ABCB7: variants seen among roughly 807,000 people sequenced by gnomAD.
The protein encoded by ABCB7 is iron-sulfur clusters transporter ABCB7, mitochondrial.
Under a neutral mutation model 54.4 loss-of-function variants are expected in ABCB7, and 7 were observed. That is an observed-to-expected ratio of 0.13 (90% CI 0.07 to 0.24). The LOEUF is 0.24. ABCB7 is among the 10% of genes least tolerant of loss of function. The pLI, the probability that ABCB7 is intolerant of heterozygous loss-of-function variation, is 1.00. For synonymous variants in ABCB7, 218 were observed against 207.1 expected, an observed-to-expected ratio of 1.05 and a Z score of -0.45; for missense variants, 356 against 570.4, an observed-to-expected ratio of 0.62 and a Z score of 3.83.
intron 14 of ABCB7, 143 bp from the exon 15 acceptor site, chrX:75,060,473 A>G: frequency 2.1e-6 from 1 of 479,460 alleles, no homozygotes; most frequent in South Asian, 3.3e-5. Flanking sequence ...TACTGATACC[A>G]AATATTAGAC....
intron 13 of ABCB7, 35 bp downstream of exon 13, chrX:75,065,035 T>C: frequency 8.3e-7 from 1 of 1,203,475 alleles, no homozygotes; most frequent in East Asian, 3.0e-5. Context: ...GAAAGAAGTA[T>C]ACAAGAAGGG....
At chrX:75,114,119 C>G (rs1329953995) in intron 2 of ABCB7, among the ~76,000 whole-genome samples, 3 of 112,020 alleles carry the variant, frequency 2.7e-5, no homozygotes, top group Non-Finnish European at 5.6e-5. Context: ...AAATGTAATT[C>G]ATTTCTACAG....
intron 1 of ABCB7, among the ~76,000 whole-genome samples, chrX:75,122,582 T>G (rs6655622): frequency 0.029 from 3,214 of 112,272 alleles, 117 homozygotes; most frequent in African/African-American, 0.099. Flanking sequence ...TTTTAATATT[T>G]TGAAGAATCT....
Position 75,053,281 on chromosome X carries a change from G to T in ABCB7, c.*89C>A, listed in dbSNP as rs2081209486. 9.3e-7 allele frequency: 1 copy of T among 1,073,690 alleles called. No homozygotes were observed. Among genetic ancestry groups the T allele is most frequent in the African/African-American group, 1.8e-5 (1 of 54,222 alleles). 88.5% of individuals were successfully genotyped at this position (1,073,690 alleles called of 1,213,427 possible). ...ATCTAAAAGAAGGATTATAGAAAATGGGAATGTATGATTTTTTTAATAAAA... is the reference window on the plus strand; with the variant it reads ...ATCTAAAAGAAGGATTATAGAAAATTGGAATGTATGATTTTTTTAATAAAA... On this transcript the variant is annotated 3_prime_UTR_variant, in exon 16 of 16. Coordinates refer to ENST00000373394, the MANE Select transcript of ABCB7 (RefSeq NM_001271696.3).
At chrX:75,082,536 T>A (rs56814488) in intron 4 of ABCB7, among the ~76,000 whole-genome samples, 9,117 of 111,752 alleles carry the variant, frequency 0.082, 922 homozygotes, top group African/African-American at 0.28. Context: ...TGTGTAAATA[T>A]AATAACCTAT....
At chrX:75,066,015 T>C (rs1262204444) in intron 12 of ABCB7, among the ~76,000 whole-genome samples, 1 of 111,991 alleles carries the variant, frequency 8.9e-6, no homozygotes, top group Non-Finnish European at 1.9e-5. Context: ...TTGAATATGT[T>C]TTCCTATGTT....
At chrX:75,139,585 T>C in intron 1 of ABCB7, among the ~76,000 whole-genome samples, 1 of 112,071 alleles carries the variant, frequency 8.9e-6, no homozygotes, top group Admixed American at 9.5e-5. Context: ...CTTGAAGTCT[T>C]CTTTATTTTT....
At chrX:75,123,088 T>C (rs2081894775) in intron 1 of ABCB7, among the ~76,000 whole-genome samples, 1 of 111,325 alleles carries the variant, frequency 9.0e-6, no homozygotes, top group Non-Finnish European at 1.9e-5. Context: ...TTTGGTGTCA[T>C]ATCCAAAAAA....
chrX:75,078,593 C>T (rs1294798382), intron 4 of ABCB7, among the ~76,000 whole-genome samples: 1 of 110,983 alleles, frequency 9.0e-6, no homozygotes, highest in Non-Finnish European at 1.9e-5. Flanking sequence ...AGGTAGGTAC[C>T]TTTCACAAAT....
At chrX:75,130,785 G>T (rs1376290568) in intron 1 of ABCB7, among the ~76,000 whole-genome samples, 1 of 111,186 alleles carries the variant, frequency 9.0e-6, no homozygotes, top group African/African-American at 3.3e-5. Flanking sequence ...ATACAAGGGA[G>T]AATCAGTACC....
intron 4 of ABCB7, among the ~76,000 whole-genome samples, chrX:75,078,895 T>A: frequency 8.9e-6 from 1 of 111,832 alleles, no homozygotes; most frequent in Non-Finnish European, 1.9e-5. Context: ...TTAAATAAAT[T>A]TGAGCAGATT....
chrX:75,090,426 A>G (rs2081534885), intron 4 of ABCB7, among the ~76,000 whole-genome samples: 1 of 111,253 alleles, frequency 9.0e-6, no homozygotes, highest in Non-Finnish European at 1.9e-5. Context: ...AAATTTTAAA[A>G]TATTTTGAAC....
At chrX:75,119,641 C>A (rs987309588) in intron 1 of ABCB7, among the ~76,000 whole-genome samples, 1 of 111,720 alleles carries the variant, frequency 9.0e-6, no homozygotes, top group Admixed American at 9.5e-5. Context: ...GTATAAAAAT[C>A]ATACAGGAAG....
chrX:75,088,189 A>C (rs1313944886), intron 4 of ABCB7, among the ~76,000 whole-genome samples: 1 of 112,216 alleles, frequency 8.9e-6, no homozygotes, highest in Non-Finnish European at 1.9e-5. Flanking sequence ...GCTAACACTA[A>C]AGACAGCCAA....
intron 3 of ABCB7, among the ~76,000 whole-genome samples, chrX:75,106,012 G>T (rs2081697395): frequency 9.0e-6 from 1 of 111,516 alleles, no homozygotes; most frequent in Admixed American, 9.5e-5. Flanking sequence ...AAAAAGCCTA[G>T]AAGAAAACCT....
intron 15 of ABCB7, among the ~76,000 whole-genome samples, 171 bp from the exon 16 acceptor site, chrX:75,053,756 T>C (rs113558588): frequency 4.5e-5 from 5 of 112,292 alleles, no homozygotes; most frequent in African/African-American, 1.6e-4. Context: ...AGGAATGCTT[T>C]CCTCCCTGTT....
At chrX:75,132,477 C>T (rs1438742757) in intron 1 of ABCB7, among the ~76,000 whole-genome samples, 1 of 112,751 alleles carries the variant, frequency 8.9e-6, no homozygotes, top group Non-Finnish European at 1.9e-5. Context: ...GGTCGCCAAC[C>T]CTGTTGACTC....
chrX:75,130,695 G>A (rs1209632233), intron 1 of ABCB7, among the ~76,000 whole-genome samples: 1 of 111,701 alleles, frequency 9.0e-6, no homozygotes, highest in South Asian at 3.8e-4. Flanking sequence ...AAAGGCATAT[G>A]CCTGGGTCAA....
intron 1 of ABCB7, among the ~76,000 whole-genome samples, chrX:75,145,746 G>A (rs2082086007): frequency 9.0e-6 from 1 of 111,022 alleles, no homozygotes; most frequent in Non-Finnish European, 1.9e-5. Flanking sequence ...GGGCAATCAG[G>A]TAAGAGAAAG....
Sources: allele counts gnomAD v4.1 joint callset (sites outside exome capture counted in the v4.1 genomes callset), GRCh38; gene constraint gnomAD v4.1.1; transcripts MANE v1.5; gene names NCBI Gene and HGNC (gene_info 2026-07-23, HGNC 2026-07-21).